TET1: variants seen among roughly 807,000 people sequenced by gnomAD.
TET1 encodes tet methylcytosine dioxygenase 1.
TET1 carries 13 observed loss-of-function variants against 148.7 expected under a neutral mutation model. The ratio of observed to expected loss-of-function variants is 0.09; its 90% CI spans 0.06 to 0.14. TET1 has a LOEUF of 0.14. Ranked by LOEUF, TET1 falls within the 10% of genes least tolerant of loss-of-function variation. The probability of loss-of-function intolerance (pLI) is 1.00; values close to 1 mark genes in which losing one functional copy is unlikely to be tolerated. For synonymous variants in TET1, 907 were observed against 937.2 expected, an observed-to-expected ratio of 0.97 and a Z score of 0.59; for missense variants, 2,182 against 2,553.8, an observed-to-expected ratio of 0.85 and a Z score of 3.14.
rs183846866 is a variant in TET1, at chr10:68,637,864, G to A, written c.1969-6834G>A. ...AGCATGGGTGACAGAGTGAGACTCC[G>A]TCTCAAAAAAAAAAAAAAGATTCTA... On this transcript the variant is annotated intron_variant, in intron 3 of 11. Transcript: ENST00000373644. Among the ~76,000 whole-genome samples, 426 of 146,890 alleles carry A rather than the reference G, an allele frequency of 2.9e-3. 7 individuals carry two copies. The highest frequency in any genetic ancestry group is 0.024 in the Admixed American group (358 of 14,896).
chr10:68,602,935 A>T (rs570143535), intron 3 of TET1, among the ~76,000 whole-genome samples: 1 of 152,232 alleles, frequency 6.6e-6, no homozygotes, highest in Admixed American at 6.5e-5. Context: ...GCTAAAAAAA[A>T]CTTTCAGATT....
At chr10:68,579,184 A>G (rs1348860428) in intron 2 of TET1, among the ~76,000 whole-genome samples, 1 of 152,236 alleles carries the variant, frequency 6.6e-6, no homozygotes, top group Non-Finnish European at 1.5e-5. Context: ...GGTTTGTAGC[A>G]TTGCCAAATG....
chr10:68,616,931 TCTC>T (rs2054299106), intron 3 of TET1, among the ~76,000 whole-genome samples: 2 of 146,948 alleles, frequency 1.4e-5, no homozygotes, highest in Admixed American at 1.4e-4. Flanking sequence ...ATGGTCTCAA[TCTC>T]CTGACCTCGT....
At chr10:68,659,745 C>T (rs773076420) in intron 6 of TET1, among the ~76,000 whole-genome samples, 1 of 152,070 alleles carries the variant, frequency 6.6e-6, no homozygotes, top group South Asian at 2.1e-4. Flanking sequence ...AATTTTAATT[C>T]AAGTATAATA....
intron 6 of TET1, 91 bp from the exon 7 acceptor site, chr10:68,666,954 A>G (rs1331912634): frequency 8.9e-7 from 1 of 1,120,678 alleles, no homozygotes; most frequent in Non-Finnish European, 1.2e-6. Context: ...ATAAACTAAA[A>G]TATAATCATG....
At chr10:68,674,935 A>T (rs192520342) in intron 8 of TET1, 2 of 379,868 alleles carry the variant, frequency 5.3e-6, no homozygotes, top group East Asian at 1.4e-4. Flanking sequence ...TATCCTCTCC[A>T]TGATGTCTTT....
At chr10:68,582,788 A>G (rs1426690459) in intron 2 of TET1, among the ~76,000 whole-genome samples, 1 of 152,136 alleles carries the variant, frequency 6.6e-6, no homozygotes, top group East Asian at 1.9e-4. Context: ...AACTCTTTCA[A>G]TTGAGGGCAG....
intron 4 of TET1, 72 bp downstream of exon 4, chr10:68,647,077 G>T: frequency 6.9e-7 from 1 of 1,452,206 alleles, no homozygotes. Context: ...AGCAAATTCT[G>T]ATTCATCTTT....
At chr10:68,624,620 C>CT (rs1465680486) in intron 3 of TET1, among the ~76,000 whole-genome samples, 1 of 32,364 alleles carries the variant, frequency 3.1e-5, no homozygotes, top group Admixed American at 3.6e-4. Flanking sequence ...TTCTTTCTTT[C>CT]TTTCTTTCTT....
chr10:68,569,166 C>CTTTTTTTTTTTTTTTTTTTTTTTT (rs34385747), intron 1 of TET1, among the ~76,000 whole-genome samples: 3 of 69,766 alleles, frequency 4.3e-5, no homozygotes, highest in African/African-American at 1.2e-4. Flanking sequence ...AGGAGAGTTT[C>CTTTTTTTTTTTTTTTTTTTTTTTT]TTTTTTTTTT....
intron 8 of TET1, among the ~76,000 whole-genome samples, chr10:68,677,741 C>T (rs1322231330): frequency 6.6e-6 from 1 of 152,038 alleles, no homozygotes; most frequent in African/African-American, 2.4e-5. Context: ...CTGCCTCAGC[C>T]TCCCAAGTAG....
chr10:68,692,392 ATGGT>A lies in TET1; in HGVS notation c.*582_*585del, dbSNP rs2055605529. 1 of 231,948 alleles carries A rather than the reference ATGGT, an allele frequency of 4.3e-6. No individual in the cohort carries two copies. Among genetic ancestry groups the A allele is most frequent in the African/African-American group, 2.2e-5 (1 of 45,260 alleles). 14.4% of individuals were successfully genotyped at this position (231,948 alleles called of 1,614,324 possible). ...GTAAAATAAATCATTGTTGTTAGTAATGGTTGGAGGCTGTTCATAAATTGTAAAT... is the reference window on the plus strand; with the variant it reads ...GTAAAATAAATCATTGTTGTTAGTAATGGAGGCTGTTCATAAATTGTAAAT... On this transcript the variant is annotated 3_prime_UTR_variant, in exon 12 of 12. Transcript: ENST00000373644.
chr10:68,639,625 C>T (rs545132651), intron 3 of TET1, among the ~76,000 whole-genome samples: 3 of 152,178 alleles, frequency 2.0e-5, no homozygotes, highest in East Asian at 1.9e-4. Context: ...TGCACCACCA[C>T]GCTTGGCTAA....
At chr10:68,664,943 T>C (rs2055176552) in intron 6 of TET1, among the ~76,000 whole-genome samples, 1 of 151,844 alleles carries the variant, frequency 6.6e-6, no homozygotes, top group African/African-American at 2.4e-5. Context: ...CCGGGTTTAT[T>C]TTATTTTTTG....
At chr10:68,661,857 T>C (rs2055121824) in intron 6 of TET1, among the ~76,000 whole-genome samples, 1 of 146,922 alleles carries the variant, frequency 6.8e-6, no homozygotes, top group Admixed American at 7.1e-5. Flanking sequence ...TGTGGGTTTT[T>C]TAATTTAAAA....
intron 2 of TET1, among the ~76,000 whole-genome samples, chr10:68,584,291 C>T (rs898388162): frequency 1.3e-5 from 2 of 151,738 alleles, no homozygotes; most frequent in Non-Finnish European, 2.9e-5. Flanking sequence ...ATCCATCTGC[C>T]TCAGCCTCCC....
chr10:68,654,534 T>G (rs1281821221), intron 6 of TET1, among the ~76,000 whole-genome samples: 3 of 152,136 alleles, frequency 2.0e-5, no homozygotes, highest in East Asian at 1.9e-4. Context: ...GGAGAATTGC[T>G]TGAACCCCCG....
chr10:68,594,484 G>C (rs2053955430), intron 2 of TET1, among the ~76,000 whole-genome samples: 1 of 152,168 alleles, frequency 6.6e-6, no homozygotes, highest in Non-Finnish European at 1.5e-5. Flanking sequence ...AGTAGATCTG[G>C]CCCCTTGGGA....
intron 3 of TET1, among the ~76,000 whole-genome samples, chr10:68,624,334 G>T (rs1236482764): frequency 6.6e-6 from 1 of 152,008 alleles, no homozygotes; most frequent in East Asian, 1.9e-4. Flanking sequence ...TTGTTGCCCA[G>T]GCTGGAGTGC....
Sources: allele counts gnomAD v4.1 joint callset (sites outside exome capture counted in the v4.1 genomes callset), GRCh38; gene constraint gnomAD v4.1.1; transcripts MANE v1.5; gene names NCBI Gene and HGNC (gene_info 2026-07-23, HGNC 2026-07-21).